The following FAM83B variants were observed in gnomAD, a reference collection of about 807,000 sequenced individuals.
The protein encoded by FAM83B is scaffolding CK1 anchoring protein B.
A neutral mutation model predicts 38.8 loss-of-function variants in FAM83B; 26 were observed. The ratio of observed to expected loss-of-function variants is 0.67; its 90% confidence interval spans 0.49 to 0.93. The LOEUF (loss-of-function observed/expected upper bound fraction) is 0.93. Ranked by LOEUF, FAM83B falls within the 40% of genes least tolerant of loss-of-function variation. FAM83B has a pLI of 0.00. For synonymous variants in FAM83B, 419 were observed against 423.1 expected (o/e 0.99, Z 0.12); for missense variants, 1,237 against 1,197.3 (o/e 1.03, Z -0.49).
At chr6:54,906,902 A>C (rs1189211631) in intron 2 of FAM83B, among the ~76,000 whole-genome samples, 1 of 152,186 alleles carries the variant, frequency 6.6e-6, no homozygotes, top group African/African-American at 2.4e-5. Flanking sequence ...GGTATTATAC[A>C]GTCTCTTTTG....
chr6:54,930,057 G>A (rs1388209490), intron 4 of FAM83B, among the ~76,000 whole-genome samples: 1 of 151,616 alleles, frequency 6.6e-6, no homozygotes, highest in Non-Finnish European at 1.5e-5. Flanking sequence ...TATTATCTTG[G>A]CTTTTTATTT....
Position 54,940,752 on chromosome 6 carries a change from C to G in FAM83B, c.1781C>G (p.Pro594Arg), listed in dbSNP as rs760420487. 6.8e-6 allele frequency: 11 copies of G among 1,613,934 alleles called. No homozygotes were observed. The South Asian group carries it at 8.8e-5, about 13-fold the overall frequency. ...PTNVQHLTDKPLPESIPKLPL... is the reference protein window; with the variant it reads ...PTNVQHLTDKRLPESIPKLPL... ...AATGTACAGCATTTGACAGACAAACCCTTGCCAGAATCAATCCCCAAGCTC... is the reference window on the plus strand; with the variant it reads ...AATGTACAGCATTTGACAGACAAACGCTTGCCAGAATCAATCCCCAAGCTC... Residue 594 changes from proline to arginine, a missense_variant, in exon 5 of 5, where the codon CCC (proline) becomes CGC (arginine). Transcript: ENST00000306858.
At chr6:54,902,724 C>T (rs1392870071) in intron 2 of FAM83B, among the ~76,000 whole-genome samples, 2 of 150,296 alleles carry the variant, frequency 1.3e-5, no homozygotes, top group Non-Finnish European at 2.9e-5. Context: ...ATTTCCAGTA[C>T]TCTATTAGTG....
At chr6:54,899,082 T>A (rs1772600409) in intron 2 of FAM83B, among the ~76,000 whole-genome samples, 1 of 152,178 alleles carries the variant, frequency 6.6e-6, no homozygotes, top group African/African-American at 2.4e-5. Flanking sequence ...GAACCGTACT[T>A]TCCCCATTTA....
rs115030888 is a variant in FAM83B, at chr6:54,848,106, G to T, written c.-61+1280G>T. ...GGGGTTTTTTGTTTTTTATTGGAGT[G>T]GGGGTGGGGGTGGCGGTGGGAGGCT... On this transcript the variant is annotated intron_variant, in intron 1 of 4. Transcript: ENST00000306858. Among the ~76,000 whole-genome samples the T allele has an allele frequency of 2.9e-3, 429 of 148,518 alleles. 3 individuals are homozygous for T. Among genetic ancestry groups the T allele is most frequent in the Non-Finnish European group, 4.6e-3 (308 of 67,594 alleles).
intron 4 of FAM83B, 147 bp from the exon 5 acceptor site, chr6:54,939,559 A>T: frequency 2.9e-6 from 2 of 697,800 alleles, no homozygotes; most frequent in Non-Finnish European, 4.3e-6. Context: ...GAAAACATGT[A>T]GTGCATGTAA....
rs1296694020 is a variant in FAM83B at position 54,870,348 on chromosome 6, T to G, written c.102T>G (p.Ile34Met). The change falls in exon 2 of 5, where the codon ATT becomes ATG. Residue 34 changes from isoleucine to methionine, a missense_variant. Coordinates refer to ENST00000306858, the MANE Select transcript of FAM83B (RefSeq NM_001010872.3). ...YKEWYRVAID[I>M]LIEHGLEAYQ... The stretch of plus-strand genomic sequence containing the variant: ...AATGGTATCGAGTAGCCATTGATAT[T>G]CTGATTGAACACGGGTTAGAAGCAT... The G allele has an allele frequency of 6.2e-7, 1 of 1,614,022 alleles. No individual in the cohort carries two copies. The highest frequency in any genetic ancestry group is 1.7e-5 in the Admixed American group (1 of 60,016).
rs551872671 is a variant in FAM83B at position 54,861,487 on chromosome 6, G to T, written c.-60-8700G>T. On this transcript the variant is annotated intron_variant, in intron 1 of 4. Transcript: ENST00000306858. Reference sequence around the variant, plus strand: ...TGGGAGGATCACTTGAGCCCAGGAGGTGGAGGTTGCACTGAGCCAAGATTG... The same window carrying T: ...TGGGAGGATCACTTGAGCCCAGGAGTTGGAGGTTGCACTGAGCCAAGATTG... 7.9e-4 allele frequency among the ~76,000 whole-genome samples: 120 copies of T among 152,234 alleles called. 1 individual carries two copies. The highest frequency in any genetic ancestry group is 2.7e-3 in the African/African-American group (113 of 41,518).
In FAM83B at chr6:54,849,495, G is replaced by A. The variant is rs547582437; in HGVS notation, c.-61+2669G>A. Among the ~76,000 whole-genome samples the A allele has an allele frequency of 3.3e-5, 5 of 150,360 alleles. No homozygotes were observed. In the South Asian group the frequency reaches 1.1e-3, roughly 32 times the overall value. ...GGAGGGTGCACTAAGGAGGCAGGGG[G>A]CTAACATGTACAGAAGGTAGGGGTG... On this transcript the variant is annotated intron_variant, in intron 1 of 4. Transcript: ENST00000306858.
intron 4 of FAM83B, among the ~76,000 whole-genome samples, chr6:54,931,107 T>C: frequency 6.6e-6 from 1 of 152,198 alleles, no homozygotes; most frequent in Admixed American, 6.5e-5. Context: ...CTGTGAACTT[T>C]CCAATTTTCC....
chr6:54,876,291 A>G (rs1771992877), intron 2 of FAM83B, among the ~76,000 whole-genome samples: 2 of 43,024 alleles, frequency 4.6e-5, no homozygotes, highest in Non-Finnish European at 1.0e-4. Context: ...ATATATATAT[A>G]TATATATATA....
At chr6:54,863,663 C>T (rs1353278531) in intron 1 of FAM83B, among the ~76,000 whole-genome samples, 1 of 150,760 alleles carries the variant, frequency 6.6e-6, no homozygotes, top group African/African-American at 2.4e-5. Flanking sequence ...ATAATGGGCT[C>T]CAAACCCTGC....
At chr6:54,905,437 T>C (rs1367407634) in intron 2 of FAM83B, among the ~76,000 whole-genome samples, 1 of 152,188 alleles carries the variant, frequency 6.6e-6, no homozygotes, top group Non-Finnish European at 1.5e-5. Flanking sequence ...GTATACATTG[T>C]GCAGTAAATA....
intron 2 of FAM83B, among the ~76,000 whole-genome samples, chr6:54,889,192 G>A (rs566364837): frequency 1.3e-5 from 2 of 151,986 alleles, no homozygotes; most frequent in Admixed American, 6.6e-5. Context: ...GTCACAGTCT[G>A]TTTTTGATAA....
chr6:54,859,100 AC>A (rs1406819355), intron 1 of FAM83B, among the ~76,000 whole-genome samples: 12 of 147,750 alleles, frequency 8.1e-5, no homozygotes, highest in Admixed American at 6.1e-4. Flanking sequence ...TCACTCTGTC[AC>A]CCAGGCTGGA....
rs775793087 is a variant in FAM83B at position 54,941,338 on chromosome 6, A to G, written c.2367A>G (p.Leu789=). 3.1e-6 allele frequency: 5 copies of G among 1,612,966 alleles called. No homozygotes were observed. In the South Asian group the frequency reaches 3.3e-5, roughly 11 times the overall value. The change falls in exon 5 of 5, where the codon CTA becomes CTG. Residue 789 remains leucine (L), a synonymous_variant. Coordinates refer to ENST00000306858, the MANE Select transcript of FAM83B (RefSeq NM_001010872.3). Reference sequence around the variant, plus strand: ...TTACCCCAGATAAGAAAGAAAATCTATCCAAAAATAAAGCACCTGCCTTTT... The same window carrying G: ...TTACCCCAGATAAGAAAGAAAATCTGTCCAAAAATAAAGCACCTGCCTTTT... ...LSLTPDKKEN[L]SKNKAPAFYR... is the part of the protein sequence containing the mutation.
chr6:54,937,520 C>T (rs1157475189), intron 4 of FAM83B, among the ~76,000 whole-genome samples: 2 of 152,058 alleles, frequency 1.3e-5, no homozygotes, highest in Admixed American at 1.3e-4. Flanking sequence ...CTGTTTACAG[C>T]TCTTGGCATC....
intron 2 of FAM83B, among the ~76,000 whole-genome samples, chr6:54,873,747 T>C (rs75065143): frequency 0.021 from 3,171 of 150,826 alleles, 46 homozygotes; most frequent in Middle Eastern, 0.062. Context: ...TAATAAACAC[T>C]GTAAAACTCT....
chr6:54,910,565 G>A (rs575344798), intron 2 of FAM83B, among the ~76,000 whole-genome samples: 7 of 152,292 alleles, frequency 4.6e-5, no homozygotes, highest in Non-Finnish European at 1.0e-4. Context: ...CTAGAGCGGG[G>A]CAGAGTTCAC....
Sources: allele counts gnomAD v4.1 joint callset (sites outside exome capture counted in the v4.1 genomes callset), GRCh38; gene constraint gnomAD v4.1.1; transcripts MANE v1.5; gene names NCBI Gene and HGNC (gene_info 2026-07-23, HGNC 2026-07-21).